The following PLSCR4 variants were observed in gnomAD, a reference collection of about 807,000 sequenced individuals.
PLSCR4 encodes phospholipid scramblase 4.
Under a neutral mutation model 36.3 loss-of-function variants are expected in PLSCR4, and 25 were observed. That is an observed-to-expected ratio of 0.69 (90% CI 0.50 to 0.96). The LOEUF is 0.96. PLSCR4 is among the 40% of genes least tolerant of loss of function. The pLI is 0.00. For missense variants in PLSCR4, 408 were observed against 414.7 expected, an observed-to-expected ratio of 0.98 and a Z score of 0.14; for synonymous variants, 122 against 132.9, an observed-to-expected ratio of 0.92 and a Z score of 0.56.
intron 6 of PLSCR4, among the ~76,000 whole-genome samples, chr3:146,198,651 C>T (rs1284082686): frequency 6.6e-6 from 1 of 152,076 alleles, no homozygotes; most frequent in Non-Finnish European, 1.5e-5. Flanking sequence ...AAGTGATCCT[C>T]CCACCTCAGC....
intron 1 of PLSCR4, among the ~76,000 whole-genome samples, chr3:146,222,881 C>T (rs917003027): frequency 7.2e-5 from 11 of 152,176 alleles, no homozygotes; most frequent in Admixed American, 5.9e-4. Context: ...GGGGAGGTGA[C>T]ACTGCAGGTT....
intron 1 of PLSCR4, among the ~76,000 whole-genome samples, chr3:146,224,338 G>A (rs76140248): frequency 0.015 from 2,238 of 152,270 alleles, 62 homozygotes; most frequent in African/African-American, 0.051. Flanking sequence ...CAAAATTATA[G>A]CACAACAGAA....
chr3:146,245,710 A>T (rs1006603094), intron 1 of PLSCR4, among the ~76,000 whole-genome samples: 3 of 148,792 alleles, frequency 2.0e-5, no homozygotes, highest in African/African-American at 7.4e-5. Context: ...ACATGCTAAG[A>T]TATAAACATT....
intron 4 of PLSCR4, among the ~76,000 whole-genome samples, chr3:146,205,585 G>A (rs1024649865): frequency 3.3e-5 from 5 of 152,028 alleles, no homozygotes; most frequent in African/African-American, 4.8e-5. Context: ...TAACCAAGAT[G>A]TGACTCTGGG....
chr3:146,219,399 CAT>C (rs2035036452), intron 3 of PLSCR4, among the ~76,000 whole-genome samples: 1 of 151,976 alleles, frequency 6.6e-6, no homozygotes, highest in South Asian at 2.1e-4. Context: ...ACTGAAGTGA[CAT>C]ATAGAGAAAC....
chr3:146,246,749 C>T (rs1215586783), intron 1 of PLSCR4, among the ~76,000 whole-genome samples: 5 of 152,096 alleles, frequency 3.3e-5, no homozygotes, highest in Non-Finnish European at 7.4e-5. Flanking sequence ...AACAAGATGT[C>T]ATGTTGCATA....
chr3:146,225,630 G>C (rs1357330665), intron 1 of PLSCR4, among the ~76,000 whole-genome samples: 2 of 152,278 alleles, frequency 1.3e-5, no homozygotes, highest in East Asian at 3.9e-4. Context: ...CGGTGGGCTG[G>C]CACTGCTGGA....
chr3:146,225,704 C>T (rs142949344), intron 1 of PLSCR4, among the ~76,000 whole-genome samples: 39,946 of 152,104 alleles, frequency 0.26, 6,444 homozygotes, highest in Admixed American at 0.34. Flanking sequence ...CCGGGGCCAG[C>T]AGGGCTGGCC....
rs2036023268 is a variant in PLSCR4 at position 146,238,805 on chromosome 3, G to C, written c.-22+12155C>G. Among the ~76,000 whole-genome samples, 3 of 151,610 alleles carry C rather than the reference G, an allele frequency of 2.0e-5. No individual in the cohort carries two copies. In the South Asian group the frequency reaches 6.2e-4, roughly 32 times the overall value. ...TGTTCTACCCAGAGTGATTAGGTTAGAAAAAAGAAATAAAGCCATCTGAAA... is the reference window on the plus strand; with the variant it reads ...TGTTCTACCCAGAGTGATTAGGTTACAAAAAAGAAATAAAGCCATCTGAAA... On this transcript the variant is annotated intron_variant, in intron 1 of 8. Transcript: ENST00000354952.
At position 146,193,371 on chromosome 3, in the gene PLSCR4, A is replaced by G. The variant is rs899451627; in HGVS notation, c.*1040T>C. 1.3e-5 allele frequency: 2 copies of G among 152,194 alleles called. No homozygotes were observed. The highest frequency in any genetic ancestry group is 4.8e-5 in the African/African-American group (2 of 41,452). The allele number at this position is 152,194 out of a possible 1,614,324, so 9.4% of individuals were successfully genotyped here. A position where few individuals can be genotyped will look rare whatever the true frequency, so the allele number is the denominator to read the frequency against. On this transcript the variant is annotated 3_prime_UTR_variant, in exon 9 of 9. Coordinates refer to ENST00000354952, the MANE Select transcript of PLSCR4 (RefSeq NM_020353.3). Reference sequence around the variant, plus strand: ...TTTATAAAGTGCTACATAAAATGTCATATTTCCAAATTTAAAAACATAACT... The same window carrying G: ...TTTATAAAGTGCTACATAAAATGTCGTATTTCCAAATTTAAAAACATAACT...
chr3:146,224,679 A>T (rs965739925), intron 1 of PLSCR4, among the ~76,000 whole-genome samples: 1 of 152,036 alleles, frequency 6.6e-6, no homozygotes, highest in Admixed American at 6.5e-5. Context: ...GTGGAAGGGG[A>T]CCCGAGCGGG....
At chr3:146,217,363 G>T (rs2034946285) in intron 3 of PLSCR4, among the ~76,000 whole-genome samples, 1 of 152,198 alleles carries the variant, frequency 6.6e-6, no homozygotes, top group Admixed American at 6.5e-5. Flanking sequence ...AGAACAGGCA[G>T]GTGCATAGAG....
chr3:146,221,913 A>G (rs2035163625), intron 2 of PLSCR4, 152 bp downstream of exon 2: 1 of 369,324 alleles, frequency 2.7e-6, no homozygotes. Context: ...ACAAATATAT[A>G]CATACATATA....
chr3:146,243,991 TG>T (rs2036251969), intron 1 of PLSCR4, among the ~76,000 whole-genome samples: 1 of 152,178 alleles, frequency 6.6e-6, no homozygotes, highest in African/African-American at 2.4e-5. Flanking sequence ...ACTACTGTGC[TG>T]CTTAGTTACC....
chr3:146,195,113 A>G lies in PLSCR4; in HGVS notation c.945+11T>C. The G allele has an allele frequency of 6.2e-7, 1 of 1,612,462 alleles. No individual in the cohort carries two copies. Among genetic ancestry groups the G allele is most frequent in the Non-Finnish European group, 8.5e-7 (1 of 1,178,854 alleles). On this transcript the variant is annotated intron_variant, in intron 8 of 8. Coordinates refer to ENST00000354952, the MANE Select transcript of PLSCR4 (RefSeq NM_020353.3). ...AACTCTCTCAGGATAACTCAAAAAT[A>G]GAAGGCTTACAATGAGGAAGCAAGC...
chr3:146,245,886 C>A (rs2036318516), intron 1 of PLSCR4, among the ~76,000 whole-genome samples: 1 of 152,056 alleles, frequency 6.6e-6, no homozygotes, highest in South Asian at 2.1e-4. Context: ...CAAGTACAAT[C>A]CTCTTTATAG....
chr3:146,223,048 G>A (rs1208482006), intron 1 of PLSCR4, among the ~76,000 whole-genome samples: 1 of 152,096 alleles, frequency 6.6e-6, no homozygotes, highest in African/African-American at 2.4e-5. Context: ...GGAGGATAGT[G>A]GGGGAATAGT....
intron 1 of PLSCR4, among the ~76,000 whole-genome samples, chr3:146,223,069 G>A (rs1038454130): frequency 1.0e-4 from 15 of 147,074 alleles, no homozygotes; most frequent in African/African-American, 3.8e-4. Context: ...GGGGATGGAG[G>A]AGGGTAAGAA....
chr3:146,198,074 C>A (rs900827121), intron 6 of PLSCR4, among the ~76,000 whole-genome samples: 1 of 152,048 alleles, frequency 6.6e-6, no homozygotes, highest in Admixed American at 6.6e-5. Context: ...AAAGACCAAT[C>A]CTGAAAAGTT....
Sources: gnomAD v4.1 joint callset for allele counts (sites outside exome capture counted in the v4.1 genomes callset) on GRCh38, gnomAD v4.1.1 for gene constraint, MANE v1.5 for transcripts, NCBI Gene and HGNC (gene_info 2026-07-23, HGNC 2026-07-21) for gene names.